Variants in TAFA1 observed in about 807,000 individuals in gnomAD.
TAFA1 encodes chemokine-like protein TAFA-1.
In TAFA1, 4 loss-of-function variants were observed where a neutral mutation model predicts 18.5. The observed-to-expected ratio is 0.22, with a 90% CI of 0.11 to 0.49. The LOEUF is 0.49. TAFA1 is among the 20% of genes least tolerant of loss of function. The pLI, the probability that TAFA1 is intolerant of heterozygous loss-of-function variation, is 0.98. For missense variants in TAFA1, 147 were observed against 169.0 expected (o/e 0.87, Z 0.72); for synonymous variants, 56 against 55.2 (o/e 1.01, Z -0.06).
At chr3:68,009,073 G>A (rs1355784063) in intron 2 of TAFA1, among the ~76,000 whole-genome samples, 2 of 152,208 alleles carry the variant, frequency 1.3e-5, no homozygotes, top group Non-Finnish European at 2.9e-5. Context: ...GATGAATAAA[G>A]TTTTGCTGTT....
intron 3 of TAFA1, among the ~76,000 whole-genome samples, chr3:68,500,554 C>G (rs1477209252): frequency 6.6e-6 from 1 of 152,056 alleles, no homozygotes; most frequent in Non-Finnish European, 1.5e-5. Context: ...TGGTCCACCA[C>G]TAGTTTTTAA....
intron 2 of TAFA1, chr3:68,250,651 A>AT (rs1418150912): frequency 6.6e-6 from 1 of 151,714 alleles, no homozygotes; most frequent in Non-Finnish European, 1.5e-5. Context: ...CCTATTACTT[A>AT]TTTTTTTAGG....
chr3:68,370,144 C>G (rs1354255879), intron 2 of TAFA1, among the ~76,000 whole-genome samples: 1 of 148,210 alleles, frequency 6.7e-6, no homozygotes, highest in Non-Finnish European at 1.5e-5. Flanking sequence ...AAAAATTAGC[C>G]TGGCAATGTG....
chr3:68,470,319 A>T (rs1489098604), intron 3 of TAFA1, among the ~76,000 whole-genome samples: 5 of 152,212 alleles, frequency 3.3e-5, no homozygotes, highest in Non-Finnish European at 7.3e-5. Flanking sequence ...GCATGAGAAC[A>T]GACTAATACA....
At chr3:68,130,971 TC>T (rs1159748557) in intron 2 of TAFA1, among the ~76,000 whole-genome samples, 6 of 152,176 alleles carry the variant, frequency 3.9e-5, no homozygotes, top group Non-Finnish European at 7.4e-5. Flanking sequence ...GTGGTCTGCC[TC>T]CCCAGTGTCA....
intron 2 of TAFA1, among the ~76,000 whole-genome samples, chr3:68,301,289 T>C (rs570974247): frequency 5.9e-4 from 90 of 152,280 alleles, no homozygotes; most frequent in African/African-American, 2.1e-3. Flanking sequence ...GTTATCTCAC[T>C]ACATAAATTT....
intron 2 of TAFA1, among the ~76,000 whole-genome samples, chr3:68,231,860 A>G (rs562596888): frequency 1.3e-5 from 2 of 152,150 alleles, no homozygotes; most frequent in Non-Finnish European, 2.9e-5. Flanking sequence ...TCTTAACCTT[A>G]GCCCAAGTAA....
intron 2 of TAFA1, among the ~76,000 whole-genome samples, chr3:68,183,062 T>C (rs2066223910): frequency 6.6e-6 from 1 of 152,144 alleles, no homozygotes; most frequent in Admixed American, 6.6e-5. Context: ...CTCAATACAT[T>C]TGACCTGAGC....
intron 2 of TAFA1, among the ~76,000 whole-genome samples, chr3:68,256,528 T>G (rs1037106521): frequency 3.3e-5 from 5 of 152,140 alleles, no homozygotes; most frequent in Admixed American, 3.3e-4. Context: ...AGGATGTTAC[T>G]CTCAGGTGCC....
At chr3:68,220,995 A>C (rs2066722564) in intron 2 of TAFA1, among the ~76,000 whole-genome samples, 1 of 152,124 alleles carries the variant, frequency 6.6e-6, no homozygotes, top group South Asian at 2.1e-4. Flanking sequence ...GAATGATCTT[A>C]CTTCTGTTAC....
chr3:68,441,414 A>G (rs1318708064), intron 3 of TAFA1, among the ~76,000 whole-genome samples: 1 of 152,138 alleles, frequency 6.6e-6, no homozygotes, highest in Non-Finnish European at 1.5e-5. Context: ...AAGCCCTGCC[A>G]TCTTCTGCAG....
intron 2 of TAFA1, among the ~76,000 whole-genome samples, chr3:68,360,171 G>A (rs771700984): frequency 1.4e-4 from 22 of 151,964 alleles, no homozygotes; most frequent in Admixed American, 2.6e-4. Flanking sequence ...GCTAAATGTC[G>A]TGGTGATTTG....
At chr3:68,304,800 T>C (rs2068374335) in intron 2 of TAFA1, among the ~76,000 whole-genome samples, 1 of 152,162 alleles carries the variant, frequency 6.6e-6, no homozygotes, top group South Asian at 2.1e-4. Flanking sequence ...AAAAGTGAAG[T>C]TATCACGGAA....
At chr3:68,089,113 A>T (rs1328027045) in intron 2 of TAFA1, among the ~76,000 whole-genome samples, 9 of 152,120 alleles carry the variant, frequency 5.9e-5, no homozygotes. Context: ...GGCACCTATT[A>T]GACATACAAC....
intron 2 of TAFA1, among the ~76,000 whole-genome samples, chr3:68,392,887 G>A (rs1244733119): frequency 6.6e-6 from 1 of 152,152 alleles, no homozygotes; most frequent in Admixed American, 6.6e-5. Context: ...AGCGCTAAAT[G>A]TCCACATGAG....
chr3:68,440,306 T>A (rs893204298), intron 3 of TAFA1, among the ~76,000 whole-genome samples: 1 of 152,180 alleles, frequency 6.6e-6, no homozygotes, highest in African/African-American at 2.4e-5. Flanking sequence ...GAACTGTAAG[T>A]CCATTAAACC....
chr3:68,319,006 T>A (rs2068653142), intron 2 of TAFA1, among the ~76,000 whole-genome samples: 1 of 152,212 alleles, frequency 6.6e-6, no homozygotes, highest in South Asian at 2.1e-4. Context: ...AAATGATTCT[T>A]TCTCTTTCTC....
intron 2 of TAFA1, chr3:68,145,185 C>T (rs2065723236): frequency 3.7e-6 from 3 of 817,368 alleles, no homozygotes; most frequent in Admixed American, 3.4e-5. Context: ...AAAAGAATAC[C>T]ACCTGCTACA....
intron 2 of TAFA1, among the ~76,000 whole-genome samples, chr3:68,257,816 A>G (rs910419270): frequency 3.3e-5 from 5 of 152,258 alleles, no homozygotes; most frequent in Admixed American, 3.3e-4. Context: ...CTTGGAAGCC[A>G]TTATCTTAAC....
Sources: gnomAD v4.1 joint callset for allele counts (sites outside exome capture counted in the v4.1 genomes callset) on GRCh38, gnomAD v4.1.1 for gene constraint, MANE v1.5 for transcripts, NCBI Gene and HGNC (gene_info 2026-07-23, HGNC 2026-07-21) for gene names.